PNPLA6: variants seen among roughly 807,000 people sequenced by gnomAD.
PNPLA6 encodes the protein patatin like domain 6, lysophospholipase.
PNPLA6 carries 105 observed loss-of-function variants against 153.7 expected under a neutral mutation model. The observed-to-expected ratio is 0.68, with a 90% CI of 0.58 to 0.80. PNPLA6 has a LOEUF of 0.80. Ranked by LOEUF, PNPLA6 falls within the 30% of genes least tolerant of loss-of-function variation. The probability of loss-of-function intolerance (pLI) is 0.00; values close to 1 mark genes in which losing one functional copy is unlikely to be tolerated. For synonymous variants in PNPLA6, 825 were observed against 822.2 expected (o/e 1.00, Z -0.06); for missense variants, 1,423 against 1,919.3 (o/e 0.74, Z 4.83).
At position 7,543,788 on chromosome 19, in the gene PNPLA6, A is replaced by G. The variant is rs142241586; in HGVS notation, c.1608+704A>G. Among the ~76,000 whole-genome samples, 331 of 151,920 alleles carry G rather than the reference A, an allele frequency of 2.2e-3. 1 individual carries two copies. Among genetic ancestry groups the G allele is most frequent in the African/African-American group, 7.7e-3 (318 of 41,448 alleles). On this transcript the variant is annotated intron_variant, in intron 13 of 31. Coordinates refer to ENST00000600737, the MANE Select transcript of PNPLA6 (RefSeq NM_001166114.2). ...TAAAGAAGAGATGCCTAGTTCGCAG[A>G]ACCCCAGTAAGACTTCTTTTTTTTC... is the stretch of plus-strand genomic sequence containing the variant.
intron 18 of PNPLA6, among the ~76,000 whole-genome samples, chr19:7,553,230 T>A (rs1355991345): frequency 6.6e-6 from 1 of 152,086 alleles, no homozygotes; most frequent in East Asian, 1.9e-4. Context: ...AAAAGTAGCT[T>A]TTCTTTTCTT....
In PNPLA6 at chr19:7,560,721, C is replaced by T. The variant is rs756916213; in HGVS notation, c.3773C>T (p.Thr1258Ile). Residue 1258 changes from threonine (T) to isoleucine (I), a missense_variant, in exon 29 of 32, where the codon ACA (threonine) becomes ATA (isoleucine). Physicochemically the swap from Thr to Ile is moderately conservative, Grantham distance 89. Coordinates refer to ENST00000600737, the MANE Select transcript of PNPLA6 (RefSeq NM_001166114.2). Reference sequence around the variant, plus strand: ...GGCAACGTCATTGAGAAAATGCTCACAGACCGGCGGTCTACAGACCTTAAT... The same window carrying T: ...GGCAACGTCATTGAGAAAATGCTCATAGACCGGCGGTCTACAGACCTTAAT... ...SRGNVIEKML[T>I]DRRSTDLNES... 6.2e-7 allele frequency: 1 copy of T among 1,613,762 alleles called. No individual in the cohort carries two copies. The highest frequency in any genetic ancestry group is 2.2e-5 in the East Asian group (1 of 44,878).
intron 14 of PNPLA6, 53 bp from the exon 15 acceptor site, chr19:7,550,245 G>A (rs1372925013): frequency 3.1e-6 from 5 of 1,612,498 alleles, no homozygotes; most frequent in South Asian, 1.1e-5. Context: ...TCCCAGCGCC[G>A]GTGTAGGACG....
Position 7,554,602 on chromosome 19 carries a change from C to G in PNPLA6, c.2513C>G (p.Ala838Gly). ...GGGTGGCTGGCCCAGCAGGAGGATG[C>G]ACACCGTATCGTACTCTACCAGACG... Reference protein sequence around the residue: ...LSGWLAQQEDAHRIVLYQTDA... With the variant: ...LSGWLAQQEDGHRIVLYQTDA... The change falls in exon 21 of 32, where the codon GCA becomes GGA. Residue 838 changes from alanine to glycine, a missense_variant. This residue lies in a region of PNPLA6 where 643 missense variants were observed against 835.2 expected (regional missense o/e 0.77). Transcript: ENST00000600737. The G allele has an allele frequency of 6.2e-7, 1 of 1,614,100 alleles. No individual in the cohort carries two copies. The highest frequency in any genetic ancestry group is 8.5e-7 in the Non-Finnish European group (1 of 1,180,016).
chr19:7,554,213 G>C lies in PNPLA6; in HGVS notation c.2406G>C (p.Pro802=), dbSNP rs779055692. The change falls in exon 20 of 32, where the codon CCG becomes CCC. Residue 802 remains proline, a synonymous_variant. Coordinates refer to ENST00000600737, the MANE Select transcript of PNPLA6 (RefSeq NM_001166114.2). ...ELQHALQAIG[P]TLLLNSDIIR... ...CCCTTCCCCACCTACCCCTAGGTCC[G>C]ACGCTACTCCTTAACAGTGACATCA... 3 of 1,613,970 alleles carry C rather than the reference G, an allele frequency of 1.9e-6. No individual in the cohort carries two copies. Among genetic ancestry groups the C allele is most frequent in the Non-Finnish European group, 2.5e-6 (3 of 1,179,896 alleles).
chr19:7,555,735 C>G lies in PNPLA6; in HGVS notation c.3065C>G (p.Thr1022Arg). The change falls in exon 24 of 32, where the codon ACG (threonine) becomes AGG (arginine). Residue 1022 changes from threonine (T) to arginine (R), a missense_variant. Physicochemically the swap from Thr to Arg is moderately conservative, Grantham distance 71. This residue lies in a region of PNPLA6 where 643 missense variants were observed against 835.2 expected (regional missense o/e 0.77). Transcript: ENST00000600737. The surrounding 1 kb of genome is among the most constrained non-coding windows in gnomAD (Gnocchi z 6.3). Reference protein sequence around the residue: ...LYAEERSASRTKQRAREWAKS... With the variant: ...LYAEERSASRRKQRAREWAKS... ...GCGGAGGAGCGCAGCGCCAGCCGCA[C>G]GAAGCAGCGGGCCCGGGAGTGGGCC... The G allele has an allele frequency of 1.2e-6, 2 of 1,613,784 alleles. No homozygotes were observed. Among genetic ancestry groups the G allele is most frequent in the Non-Finnish European group, 1.7e-6 (2 of 1,179,856 alleles).
At chr19:7,549,840 C>T (rs927692773) in intron 13 of PNPLA6, 67 bp from the exon 14 acceptor site, 6 of 1,440,372 alleles carry the variant, frequency 4.2e-6, no homozygotes, top group African/African-American at 2.8e-5. Flanking sequence ...CCTGTGGGGG[C>T]ATGTTGACCT....
At position 7,536,021 on chromosome 19, in the gene PNPLA6, G is replaced by A; in HGVS notation, c.232+1G>A. On this transcript the variant is annotated splice_donor_variant, in intron 1 of 31. Transcript: ENST00000600737. LOFTEE classifies it high-confidence loss of function. ...GTGGTGCGGAGGCTGCGAGTGCCAAGTGAGCACCCGAGGGGCCCCTCTTGG... is the reference window on the plus strand; with the variant it reads ...GTGGTGCGGAGGCTGCGAGTGCCAAATGAGCACCCGAGGGGCCCCTCTTGG... 1 of 1,575,376 alleles carries A rather than the reference G, an allele frequency of 6.3e-7. No homozygotes were observed. Among genetic ancestry groups the A allele is most frequent in the Non-Finnish European group, 8.6e-7 (1 of 1,161,446 alleles).
In PNPLA6 at chr19:7,555,394, G is replaced by A; in HGVS notation, c.2936+27G>A. On this transcript the variant is annotated intron_variant, in intron 23 of 31. Transcript: ENST00000600737. The surrounding 1 kb of genome is among the most constrained non-coding windows in gnomAD (Gnocchi z 6.3). The stretch of plus-strand genomic sequence containing the variant: ...TGAGGGCGGGGCTTGCTCTCTGGGG[G>A]CGGGGCCTGGATGTCCGAGGGTGGA... 2 of 1,469,212 alleles carry A rather than the reference G, an allele frequency of 1.4e-6. No individual in the cohort carries two copies. Among genetic ancestry groups the A allele is most frequent in the Non-Finnish European group, 1.9e-6 (2 of 1,080,472 alleles). 91.0% of individuals were successfully genotyped at this position (1,469,212 alleles called of 1,614,324 possible). A position where few individuals can be genotyped will look rare whatever the true frequency, so the allele number is the denominator to read the frequency against.
rs2022837334 is a variant in PNPLA6, at chr19:7,535,851, T to C, written c.63T>C (p.Asp21=). The C allele has an allele frequency of 8.5e-6, 13 of 1,538,132 alleles. No homozygotes were observed. Among genetic ancestry groups the C allele is most frequent in the Non-Finnish European group, 1.1e-5 (13 of 1,147,368 alleles). ...CGGGGGCGAAGGTGGCGGAGAGGGA[T>C]GGGTTCCAGGACGTCCTGGCGCCCG... ...NSSGAKVAER[D]GFQDVLAPGE... is the part of the protein sequence containing the mutation. Residue 21 remains aspartate, a synonymous_variant, in exon 1 of 32, where the codon GAT becomes GAC. Transcript: ENST00000600737. This position sits in a 1 kb window ranked among gnomAD's most constrained non-coding sequence, Gnocchi z 5.0.
intron 16 of PNPLA6, 105 bp downstream of exon 16, chr19:7,550,745 C>T: frequency 6.9e-7 from 1 of 1,451,042 alleles, no homozygotes; most frequent in Non-Finnish European, 9.4e-7. Flanking sequence ...AATGCAGCTC[C>T]CGACCTCTGA....
chr19:7,541,576 C>T lies in PNPLA6; in HGVS notation c.1060C>T (p.Pro354Ser), dbSNP rs1309856946. The change falls in exon 9 of 32, where the codon CCT (proline) becomes TCT (serine). Residue 354 changes from proline (P) to serine (S), a missense_variant. This residue lies in a region of PNPLA6 where 267 missense variants were observed against 255.1 expected (regional missense o/e 1.05). Transcript: ENST00000600737. This position sits in a 1 kb window ranked among gnomAD's most constrained non-coding sequence, Gnocchi z 5.2. ...PSPGLPTRTS[P>S]VRGSKRMVST... ...CCCCGGCCTCCCAACTCGCACCAGCCCTGTGCGGGGCTCCAAGAGAATGGT... is the reference window on the plus strand; with the variant it reads ...CCCCGGCCTCCCAACTCGCACCAGCTCTGTGCGGGGCTCCAAGAGAATGGT... 11 of 1,598,020 alleles carry T rather than the reference C, an allele frequency of 6.9e-6. No homozygotes were observed. The highest frequency in any genetic ancestry group is 9.4e-6 in the Non-Finnish European group (11 of 1,172,530).
rs765313440 is a variant in PNPLA6 at position 7,556,468 on chromosome 19, C to G, written c.3109C>G (p.Leu1037Val). ...TTGTCCCTAGAGCATGACTTCGGTG[C>G]TGGAACCTGTGTTGGACCTCACGTA... is the stretch of plus-strand genomic sequence containing the variant. ...REWAKSMTSV[L>V]EPVLDLTYPV... is the part of the protein sequence containing the mutation. The change falls in exon 25 of 32, where the codon CTG (leucine) becomes GTG (valine). Residue 1037 changes from leucine (L) to valine (V), a missense_variant. Coordinates refer to ENST00000600737, the MANE Select transcript of PNPLA6 (RefSeq NM_001166114.2). The G allele has an allele frequency of 9.9e-6, 16 of 1,611,808 alleles. No homozygotes were observed. In the African/African-American group the frequency reaches 2.1e-4, roughly 22 times the overall value.
At position 7,549,984 on chromosome 19, in the gene PNPLA6, C is replaced by T. The variant is rs1376335368; in HGVS notation, c.1686C>T (p.Cys562=). Residue 562 remains cysteine (C), a synonymous_variant, in exon 14 of 32, where the codon TGC becomes TGT. Coordinates refer to ENST00000600737, the MANE Select transcript of PNPLA6 (RefSeq NM_001166114.2). ...QRMIDKAEDV[C]LFVAQPGELV... is the part of the protein sequence containing the mutation. ...TGATCGACAAGGCGGAGGACGTGTG[C>T]CTGTTCGTAGCGCAGCCCGGGGAAC... 1 of 1,613,996 alleles carries T rather than the reference C, an allele frequency of 6.2e-7. No individual in the cohort carries two copies. Among genetic ancestry groups the T allele is most frequent in the Non-Finnish European group, 8.5e-7 (1 of 1,180,040 alleles).
rs2023822747 is a variant in PNPLA6 at position 7,555,233 on chromosome 19, A to C, written c.2818-16A>C. ...GCCCTCATGCTCCTGGGTCGCGACT[A>C]TCTCCCCCATCCCAGCATGAGCTCT... On this transcript the variant is annotated splice_polypyrimidine_tract_variant and intron_variant, in intron 22 of 31. Coordinates refer to ENST00000600737, the MANE Select transcript of PNPLA6 (RefSeq NM_001166114.2). This position sits in a 1 kb window ranked among gnomAD's most constrained non-coding sequence, Gnocchi z 6.3. The C allele has an allele frequency of 1.3e-6, 2 of 1,584,264 alleles. No homozygotes were observed. The highest frequency in any genetic ancestry group is 2.3e-5 in the South Asian group (2 of 87,870).
In PNPLA6 at chr19:7,561,228, A is replaced by G; in HGVS notation, c.3934A>G (p.Thr1312Ala). 6.2e-7 allele frequency: 1 copy of G among 1,610,170 alleles called. No individual in the cohort carries two copies. Among genetic ancestry groups the G allele is most frequent in the Non-Finnish European group, 8.5e-7 (1 of 1,178,788 alleles). The change falls in exon 31 of 32, where the codon ACA becomes GCA. Residue 1312 changes from threonine to alanine, a missense_variant. Coordinates refer to ENST00000600737, the MANE Select transcript of PNPLA6 (RefSeq NM_001166114.2). ...TCCAGGAGAGGAGTCAGATTGTCTG[A>G]CAGAGTATGAGGAGGACGCCGGACC... ...CADGEESDCL[T>A]EYEEDAGPDC...
chr19:7,540,573 C>A lies in PNPLA6; in HGVS notation c.715-57C>A. 1 of 1,339,346 alleles carries A rather than the reference C, an allele frequency of 7.5e-7. No individual in the cohort carries two copies. The highest frequency in any genetic ancestry group is 1.1e-6 in the Non-Finnish European group (1 of 929,408). The allele number at this position is 1,339,346 out of a possible 1,614,324, so 83.0% of individuals were successfully genotyped here. ...GTGATCATTGGGATGGATGAGGGGG[C>A]GACATGCCAGTCACCAGGGCGAGGC... is the stretch of plus-strand genomic sequence containing the variant. On this transcript the variant is annotated intron_variant, in intron 5 of 31. Coordinates refer to ENST00000600737, the MANE Select transcript of PNPLA6 (RefSeq NM_001166114.2). The surrounding 1 kb of genome is among the most constrained non-coding windows in gnomAD (Gnocchi z 6.8).
At chr19:7,535,689 G>C, upstream of PNPLA6, 1 of 1,526,998 alleles carries the variant, frequency 6.5e-7, no homozygotes, top group Middle Eastern at 1.7e-4. This position sits in a 1 kb window ranked among gnomAD's most constrained non-coding sequence, Gnocchi z 5.0. Context: ...CGCTGCGTCC[G>C]CTCGGGCGGA....
Position 7,541,592 on chromosome 19 carries a change from A to G in PNPLA6, c.1076A>G (p.Lys359Arg), listed in dbSNP as rs2023144198. 2 of 1,596,216 alleles carry G rather than the reference A, an allele frequency of 1.3e-6. No homozygotes were observed. Among genetic ancestry groups the G allele is most frequent in the Admixed American group, 1.7e-5 (1 of 57,650 alleles). ...PTRTSPVRGS[K>R]RMVSTSATDE... The stretch of plus-strand genomic sequence containing the variant: ...CGCACCAGCCCTGTGCGGGGCTCCA[A>G]GAGAATGGTCAGCACCTCAGCTACA... The change falls in exon 9 of 32, where the codon AAG (lysine) becomes AGG (arginine). Residue 359 changes from lysine (K) to arginine (R), a missense_variant. Lys to Arg is a conservative substitution (Grantham distance 26). Transcript: ENST00000600737. This position sits in a 1 kb window ranked among gnomAD's most constrained non-coding sequence, Gnocchi z 5.2.
Sources: allele counts gnomAD v4.1 joint callset (sites outside exome capture counted in the v4.1 genomes callset), GRCh38; gene constraint gnomAD v4.1.1; regional missense constraint gnomAD v4.1.1; non-coding constraint Gnocchi (gnomAD v3.1); transcripts MANE v1.5; gene names NCBI Gene and HGNC (gene_info 2026-07-23, HGNC 2026-07-21).